TECPR2: variants seen among roughly 807,000 people sequenced by gnomAD.
TECPR2 encodes the protein tectonin beta-propeller repeat containing 2, also known as tectonin beta-propeller repeat-containing protein 2.
A neutral mutation model predicts 138.1 loss-of-function variants in TECPR2; 65 were observed. The ratio of observed to expected loss-of-function variants is 0.47; its 90% CI spans 0.39 to 0.58. The LOEUF is 0.58. TECPR2 is among the 20% of genes least tolerant of loss of function. The pLI is 0.00. For synonymous variants in TECPR2, 746 were observed against 749.8 expected (o/e 0.99, Z 0.08); for missense variants, 1,553 against 1,824.5 (o/e 0.85, Z 2.71).
chr14:102,414,123 G>A (rs1372970044), intron 4 of TECPR2, among the ~76,000 whole-genome samples: 2 of 152,092 alleles, frequency 1.3e-5, no homozygotes, highest in Admixed American at 1.3e-4. Context: ...AGGATATAAT[G>A]TCCTCAAAGC....
At chr14:102,405,379 T>C (rs190074255) in intron 2 of TECPR2, among the ~76,000 whole-genome samples, 46 of 152,192 alleles carry the variant, frequency 3.0e-4, no homozygotes, top group Admixed American at 7.9e-4. Flanking sequence ...AGGACTTGAA[T>C]AGATGTTTCC....
chr14:102,492,697 G>A (rs1879372364), intron 17 of TECPR2, among the ~76,000 whole-genome samples: 1 of 152,174 alleles, frequency 6.6e-6, no homozygotes, highest in South Asian at 2.1e-4. Flanking sequence ...CAGAGGCCTG[G>A]CAGGCAGCGT....
At chr14:102,426,112 C>T (rs1258920123) in intron 6 of TECPR2, among the ~76,000 whole-genome samples, 1 of 151,968 alleles carries the variant, frequency 6.6e-6, no homozygotes. Context: ...GTCTCGAACT[C>T]CTGACTCAGG....
chr14:102,386,770 A>C (rs886187024), intron 2 of TECPR2, among the ~76,000 whole-genome samples: 1 of 152,196 alleles, frequency 6.6e-6, no homozygotes, highest in Non-Finnish European at 1.5e-5. Flanking sequence ...TTTGGCTGCC[A>C]GTTATTAGTG....
intron 6 of TECPR2, 36 bp downstream of exon 6, chr14:102,425,327 A>G (rs1889288596): frequency 6.5e-7 from 1 of 1,540,178 alleles, no homozygotes; most frequent in Non-Finnish European, 8.7e-7. Context: ...TTCTGTGTCT[A>G]TAGGCAAGAG....
At chr14:102,465,823 C>G (rs1234304004) in intron 17 of TECPR2, among the ~76,000 whole-genome samples, 1 of 152,308 alleles carries the variant, frequency 6.6e-6, no homozygotes, top group African/African-American at 2.4e-5. Context: ...CAGCACTCAG[C>G]TCACAAGGAG....
At chr14:102,485,152 A>G (rs868710616) in intron 17 of TECPR2, among the ~76,000 whole-genome samples, 8 of 152,316 alleles carry the variant, frequency 5.3e-5, no homozygotes, top group Non-Finnish European at 1.0e-4. Flanking sequence ...CGGTTCTGGT[A>G]TCACAGTCTT....
intron 11 of TECPR2, among the ~76,000 whole-genome samples, chr14:102,441,234 A>G (rs1230653806): frequency 2.0e-5 from 3 of 151,796 alleles, no homozygotes; most frequent in Non-Finnish European, 4.4e-5. Flanking sequence ...CGCCCAGCCA[A>G]TTTTTTTGTA....
intron 16 of TECPR2, among the ~76,000 whole-genome samples, chr14:102,454,996 G>A (rs988434892): frequency 5.9e-5 from 9 of 152,196 alleles, no homozygotes; most frequent in East Asian, 3.8e-4. Context: ...TCCCAGCACC[G>A]GCTAGCTGGC....
intron 17 of TECPR2, among the ~76,000 whole-genome samples, chr14:102,474,100 A>G (rs578215918): frequency 6.6e-6 from 1 of 152,044 alleles, no homozygotes; most frequent in East Asian, 1.9e-4. Flanking sequence ...TCTACAGGTA[A>G]TTTTTTAAAT....
At chr14:102,383,324 C>T (rs1234571537) in intron 2 of TECPR2, among the ~76,000 whole-genome samples, 1 of 152,172 alleles carries the variant, frequency 6.6e-6, no homozygotes, top group Admixed American at 6.5e-5. Flanking sequence ...ATTTGGACTC[C>T]TTACTCAGGT....
intron 17 of TECPR2, among the ~76,000 whole-genome samples, chr14:102,495,866 G>C (rs945073016): frequency 3.3e-5 from 5 of 152,242 alleles, no homozygotes; most frequent in Non-Finnish European, 7.3e-5. Context: ...GTGAGGATGC[G>C]GGCAGCCTGG....
intron 19 of TECPR2, 81 bp from the exon 20 acceptor site, chr14:102,498,022 C>CACCCAAGCTCCCAGCTCCATCTGT (rs1891336650): frequency 2.1e-5 from 32 of 1,510,226 alleles, no homozygotes; most frequent in Non-Finnish European, 2.9e-5. Flanking sequence ...CCCAGACCTG[C>CACCCAAGCTCCCAGCTCCATCTGT]GCCCAAGCTC....
intron 1 of TECPR2, among the ~76,000 whole-genome samples, chr14:102,374,100 A>G (rs1391485152): frequency 6.6e-6 from 1 of 151,608 alleles, no homozygotes; most frequent in Non-Finnish European, 1.5e-5. Flanking sequence ...GAAAAGAAAT[A>G]GAATCTAAAA....
intron 2 of TECPR2, among the ~76,000 whole-genome samples, chr14:102,399,994 A>G (rs1319096168): frequency 6.6e-6 from 1 of 152,022 alleles, no homozygotes; most frequent in Non-Finnish European, 1.5e-5. Context: ...AAATTAGTCT[A>G]AAAGCTAGTA....
chr14:102,450,742 T>C, intron 15 of TECPR2, 93 bp downstream of exon 15: 2 of 1,307,374 alleles, frequency 1.5e-6, no homozygotes, highest in South Asian at 1.2e-5. Flanking sequence ...TTGTTGGTTA[T>C]GGGGCATGCC....
At chr14:102,368,362 T>A (rs1887402997) in intron 1 of TECPR2, among the ~76,000 whole-genome samples, 1 of 152,104 alleles carries the variant, frequency 6.6e-6, no homozygotes, top group African/African-American at 2.4e-5. Context: ...ACTTTGCCCA[T>A]TGTAAAATTG....
intron 17 of TECPR2, among the ~76,000 whole-genome samples, chr14:102,482,988 C>T (rs1342810067): frequency 2.6e-5 from 4 of 151,260 alleles, no homozygotes; most frequent in South Asian, 2.1e-4. Context: ...GGACTACAGG[C>T]GCCCGCTACC....
Position 102,497,738 on chromosome 14 carries a change from TG to T in TECPR2, c.4081+22del, listed in dbSNP as rs1353356147. On this transcript the variant is annotated intron_variant, in intron 19 of 19. Transcript: ENST00000359520. ...TTCACAGGCAGGTGCCCGGGGCCAG[TG>T]GGCTTAAGGCCCCTTGGGGTTCCCA... The T allele has an allele frequency of 6.3e-7, 1 of 1,591,502 alleles. No individual in the cohort carries two copies.
Sources: gnomAD v4.1 joint callset for allele counts (sites outside exome capture counted in the v4.1 genomes callset) on GRCh38, gnomAD v4.1.1 for gene constraint, MANE v1.5 for transcripts, NCBI Gene and HGNC (gene_info 2026-07-23, HGNC 2026-07-21) for gene names.